The following SLC41A2 variants were observed in gnomAD, a reference collection of about 807,000 sequenced individuals.
SLC41A2 encodes the protein solute carrier family 41 member 2.
SLC41A2 carries 32 observed loss-of-function variants against 58.3 expected under a neutral mutation model. The observed-to-expected ratio is 0.55, with a 90% CI of 0.41 to 0.74. The LOEUF is 0.74. SLC41A2 is among the 30% of genes least tolerant of loss of function. The pLI, the probability that SLC41A2 is intolerant of heterozygous loss-of-function variation, is 0.00. For missense variants in SLC41A2, 514 were observed against 680.6 expected (o/e 0.76, Z 2.72); for synonymous variants, 190 against 235.0 (o/e 0.81, Z 1.75).
rs372949695 is a variant in SLC41A2 at position 104,845,983 on chromosome 12, C to T, written c.1256-9G>A. The T allele has an allele frequency of 2.5e-6, 4 of 1,608,508 alleles. No individual in the cohort carries two copies. In the African/African-American group the frequency reaches 4.0e-5, roughly 16 times the overall value. On this transcript the variant is annotated splice_polypyrimidine_tract_variant and intron_variant, in intron 8 of 10. Transcript: ENST00000258538. The stretch of plus-strand genomic sequence containing the variant: ...CAAATTACCACCAATACCTGAAACA[C>T]AAGGAAAAACAAAGTAGCAATCCTC...
chr12:104,841,184 G>T (rs1356928583), intron 10 of SLC41A2, among the ~76,000 whole-genome samples: 2 of 152,062 alleles, frequency 1.3e-5, no homozygotes, highest in African/African-American at 4.8e-5. Flanking sequence ...AAACATTTCA[G>T]TAAAACCTTA....
At chr12:104,913,780 A>C (rs1223885222) in intron 2 of SLC41A2, among the ~76,000 whole-genome samples, 1 of 152,208 alleles carries the variant, frequency 6.6e-6, no homozygotes, top group Non-Finnish European at 1.5e-5. Flanking sequence ...CATCATTCAA[A>C]AGTTAACACC....
intron 1 of SLC41A2, among the ~76,000 whole-genome samples, chr12:104,945,754 C>A (rs982276016): frequency 6.6e-6 from 1 of 152,308 alleles, no homozygotes; most frequent in Admixed American, 6.5e-5. Flanking sequence ...CAACAGCCTT[C>A]ATTCTATTAA....
intron 6 of SLC41A2, among the ~76,000 whole-genome samples, chr12:104,871,803 T>C (rs573874169): frequency 6.6e-6 from 1 of 152,330 alleles, no homozygotes; most frequent in African/African-American, 2.4e-5. Flanking sequence ...TATGGCACTA[T>C]AGGGTGCTAC....
At chr12:104,888,225 C>A (rs115537421) in intron 5 of SLC41A2, among the ~76,000 whole-genome samples, 2,886 of 152,084 alleles carry the variant, frequency 0.019, 32 homozygotes, top group African/African-American at 0.036. Context: ...ACTACTAAAA[C>A]AAAATGCTTG....
intron 9 of SLC41A2, among the ~76,000 whole-genome samples, chr12:104,844,954 T>C (rs2042550162): frequency 9.3e-6 from 1 of 107,180 alleles, no homozygotes; most frequent in Non-Finnish European, 1.9e-5. Flanking sequence ...ATTCTATCAC[T>C]GGTATTAAAA....
chr12:104,854,573 A>AC (rs376616503), intron 8 of SLC41A2, among the ~76,000 whole-genome samples: 3,907 of 148,468 alleles, frequency 0.026, 106 homozygotes, highest in East Asian at 0.15. Context: ...AAAAAAACAA[A>AC]AAAAAAAAAA....
In SLC41A2 at chr12:104,818,652, G is replaced by A. The variant is rs150874818; in HGVS notation, c.1537-13315C>T. ...CCAACACTTTGGGAGGCTGAGGTGG[G>A]CAGATCACGAGGTCAGGAGTTCAAG... On this transcript the variant is annotated intron_variant, in intron 10 of 10. Transcript: ENST00000258538. 5.9e-3 allele frequency among the ~76,000 whole-genome samples: 899 copies of A among 152,250 alleles called. 17 individuals carry two copies. Among genetic ancestry groups the A allele is most frequent in the African/African-American group, 0.02 (845 of 41,534 alleles).
chr12:104,806,142 C>G (rs1054532409), intron 10 of SLC41A2, among the ~76,000 whole-genome samples: 6 of 152,014 alleles, frequency 3.9e-5, no homozygotes, highest in African/African-American at 1.2e-4. Context: ...TATACATGTG[C>G]CATGTTGGTG....
intron 2 of SLC41A2, among the ~76,000 whole-genome samples, chr12:104,911,686 T>TG (rs1011664662): frequency 6.6e-6 from 1 of 152,148 alleles, no homozygotes; most frequent in Non-Finnish European, 1.5e-5. Context: ...GATGTAGAAC[T>TG]GGGGGGCCTA....
intron 1 of SLC41A2, among the ~76,000 whole-genome samples, chr12:104,934,289 A>T (rs1252604441): frequency 1.3e-5 from 2 of 152,220 alleles, no homozygotes; most frequent in Non-Finnish European, 2.9e-5. Context: ...TACTTTAATA[A>T]GTTATGCTAA....
At chr12:104,955,680 C>A (rs1459650364) in intron 1 of SLC41A2, among the ~76,000 whole-genome samples, 1 of 151,752 alleles carries the variant, frequency 6.6e-6, no homozygotes, top group African/African-American at 2.4e-5. Flanking sequence ...TAATCTTTTT[C>A]TTTAACAACA....
At chr12:104,810,655 A>G (rs2041133243) in intron 10 of SLC41A2, among the ~76,000 whole-genome samples, 1 of 152,194 alleles carries the variant, frequency 6.6e-6, no homozygotes, top group Non-Finnish European at 1.5e-5. Context: ...TATTTAGCCG[A>G]TTATTCCTTG....
At chr12:104,878,299 T>TTATA (rs55670022) in intron 6 of SLC41A2, among the ~76,000 whole-genome samples, 2,582 of 139,810 alleles carry the variant, frequency 0.018, 51 homozygotes, top group East Asian at 0.044. Flanking sequence ...TACCTGTATT[T>TTATA]TATATATATA....
intron 3 of SLC41A2, among the ~76,000 whole-genome samples, chr12:104,906,349 C>T (rs895265891): frequency 2.6e-5 from 4 of 152,242 alleles, no homozygotes; most frequent in South Asian, 2.1e-4. Context: ...ACCCCAGGAA[C>T]GCCAAGGGGT....
In SLC41A2 at chr12:104,840,914, G is replaced by A. The variant is rs559459982; in HGVS notation, c.1536+3558C>T. Among the ~76,000 whole-genome samples the A allele has an allele frequency of 8.5e-5, 13 of 152,062 alleles. No homozygotes were observed. In the South Asian group the frequency reaches 2.5e-3, roughly 29 times the overall value. On this transcript the variant is annotated intron_variant, in intron 10 of 10. Transcript: ENST00000258538. ...GCTTTTTACTTTTCATTTGAAGTAA[G>A]AAATACCCATTCAGCTACAAGACCA...
intron 6 of SLC41A2, among the ~76,000 whole-genome samples, chr12:104,883,791 G>A (rs979517419): frequency 7.2e-5 from 11 of 152,184 alleles, no homozygotes; most frequent in African/African-American, 2.7e-4. Context: ...GGCTACTTGG[G>A]GGTCAGGGAC....
At chr12:104,888,725 A>G (rs1318356901) in intron 5 of SLC41A2, among the ~76,000 whole-genome samples, 1 of 152,146 alleles carries the variant, frequency 6.6e-6, no homozygotes, top group Non-Finnish European at 1.5e-5. Context: ...ATGTCCAGAA[A>G]GGAGTTTCCC....
At chr12:104,878,540 C>G (rs994926400) in intron 6 of SLC41A2, among the ~76,000 whole-genome samples, 1 of 151,628 alleles carries the variant, frequency 6.6e-6, no homozygotes, top group African/African-American at 2.4e-5. Flanking sequence ...TCAACTCCCA[C>G]CTATGAGTGA....
Sources: allele counts gnomAD v4.1 joint callset (sites outside exome capture counted in the v4.1 genomes callset), GRCh38; gene constraint gnomAD v4.1.1; transcripts MANE v1.5; gene names NCBI Gene and HGNC (gene_info 2026-07-23, HGNC 2026-07-21).